The following GTF2A1L variants were observed in gnomAD, a reference collection of about 807,000 sequenced individuals.
The protein encoded by GTF2A1L is general transcription factor IIA subunit 1 like.
A neutral mutation model predicts 49.7 loss-of-function variants in GTF2A1L; 48 were observed. The ratio of observed to expected loss-of-function variants is 0.97; its 90% CI spans 0.77 to 1.23. GTF2A1L has a LOEUF of 1.23. Ranked by LOEUF, GTF2A1L falls within the 50% of genes most tolerant of loss-of-function variation. GTF2A1L has a pLI of 0.00. For synonymous variants in GTF2A1L, 246 were observed against 193.5 expected, an observed-to-expected ratio of 1.27 and a Z score of -2.25; for missense variants, 736 against 564.8, an observed-to-expected ratio of 1.30 and a Z score of -3.07.
intron 3 of GTF2A1L, chr2:48,633,391 T>A (rs1676696853): frequency 6.5e-6 from 1 of 153,264 alleles, no homozygotes; most frequent in Non-Finnish European, 1.5e-5. Flanking sequence ...TGGTGCTGGC[T>A]TAGCAGGATT....
At chr2:48,652,952 G>A (rs1040049306) in intron 6 of GTF2A1L, among the ~76,000 whole-genome samples, 38 of 151,902 alleles carry the variant, frequency 2.5e-4, no homozygotes, top group East Asian at 4.0e-4. Flanking sequence ...AATTTAGGCC[G>A]GGCACGGTGG....
chr2:48,671,751 G>T (rs1396221099), intron 8 of GTF2A1L, 71 bp downstream of exon 8: 75 of 1,381,782 alleles, frequency 5.4e-5, no homozygotes, highest in Non-Finnish European at 7.3e-5. Flanking sequence ...TAAAATGATG[G>T]GAAATAAGAT....
chr2:48,652,059 A>G (rs1446263861), intron 6 of GTF2A1L, among the ~76,000 whole-genome samples: 1 of 152,176 alleles, frequency 6.6e-6, no homozygotes, highest in Non-Finnish European at 1.5e-5. Flanking sequence ...GTGCTTCTGA[A>G]GAAAAAAGTT....
At chr2:48,656,584 C>T (rs1195695596) in intron 6 of GTF2A1L, among the ~76,000 whole-genome samples, 1 of 151,794 alleles carries the variant, frequency 6.6e-6, no homozygotes, top group East Asian at 1.9e-4. Flanking sequence ...CTTTATATAT[C>T]CTGGATATTC....
chr2:48,652,462 A>G (rs1677903020), intron 6 of GTF2A1L, among the ~76,000 whole-genome samples: 1 of 151,672 alleles, frequency 6.6e-6, no homozygotes, highest in Admixed American at 6.6e-5. Context: ...CTAAAAATAC[A>G]AAAATTAGCG....
At chr2:48,651,655 C>T (rs1209731556) in intron 6 of GTF2A1L, among the ~76,000 whole-genome samples, 1 of 152,110 alleles carries the variant, frequency 6.6e-6, no homozygotes, top group Non-Finnish European at 1.5e-5. Flanking sequence ...CATCTGCTGA[C>T]ATAAAACTCA....
At chr2:48,666,230 G>A (rs1403898308) in intron 6 of GTF2A1L, among the ~76,000 whole-genome samples, 1 of 150,170 alleles carries the variant, frequency 6.7e-6, no homozygotes, top group Non-Finnish European at 1.5e-5. Context: ...TTTTGAGATG[G>A]TGTCTCGCTC....
chr2:48,670,195 C>A (rs927354544), intron 7 of GTF2A1L, among the ~76,000 whole-genome samples: 2 of 152,072 alleles, frequency 1.3e-5, no homozygotes, highest in African/African-American at 2.4e-5. Flanking sequence ...GAGTTCGAGG[C>A]CAGCTTGGGC....
At chr2:48,647,621 C>A (rs1435483546) in intron 6 of GTF2A1L, among the ~76,000 whole-genome samples, 1 of 151,598 alleles carries the variant, frequency 6.6e-6, no homozygotes, top group Non-Finnish European at 1.5e-5. Context: ...TTTCTGAATT[C>A]CTATATGGAA....
At chr2:48,678,494 C>T (rs190106840) in intron 8 of GTF2A1L, among the ~76,000 whole-genome samples, 48 of 152,142 alleles carry the variant, frequency 3.2e-4, no homozygotes, top group African/African-American at 1.1e-3. Flanking sequence ...TATTTGTAGT[C>T]AACAACTAGG....
At chr2:48,647,135 G>C in intron 6 of GTF2A1L, 93 bp downstream of exon 6, 4 of 1,119,716 alleles carry the variant, frequency 3.6e-6, no homozygotes, top group Non-Finnish European at 4.8e-6. Context: ...ATGTTAATCA[G>C]AATTATATAT....
At chr2:48,668,314 T>G (rs991358149) in intron 6 of GTF2A1L, among the ~76,000 whole-genome samples, 12 of 152,206 alleles carry the variant, frequency 7.9e-5, no homozygotes, top group African/African-American at 2.9e-4. Context: ...TATGTATGGA[T>G]TTCCAAAACA....
chr2:48,622,743 A>G (rs1676075053), intron 3 of GTF2A1L, among the ~76,000 whole-genome samples: 4 of 151,706 alleles, frequency 2.6e-5, no homozygotes, highest in Admixed American at 1.3e-4. Flanking sequence ...CTGAGGCAGG[A>G]TAATCACTTG....
chr2:48,672,537 G>A (rs1330280051), intron 8 of GTF2A1L, among the ~76,000 whole-genome samples: 4 of 152,158 alleles, frequency 2.6e-5, no homozygotes, highest in African/African-American at 9.7e-5. Flanking sequence ...CCCAGACAGA[G>A]GATGGCAGTG....
chr2:48,654,097 T>A (rs764205132), intron 6 of GTF2A1L, among the ~76,000 whole-genome samples: 1 of 152,174 alleles, frequency 6.6e-6, no homozygotes, highest in Non-Finnish European at 1.5e-5. Context: ...TGGTGGAATT[T>A]TGCATTTCTA....
chr2:48,643,851 A>G (rs1291128795), intron 4 of GTF2A1L, among the ~76,000 whole-genome samples: 1 of 151,836 alleles, frequency 6.6e-6, no homozygotes, highest in East Asian at 1.9e-4. Flanking sequence ...GACGCCCGCC[A>G]CCATGCCCAA....
intron 8 of GTF2A1L, among the ~76,000 whole-genome samples, chr2:48,672,797 A>C (rs1057485033): frequency 2.6e-5 from 4 of 152,250 alleles, no homozygotes; most frequent in African/African-American, 9.6e-5. Flanking sequence ...ATAGTATACA[A>C]TTCGCCTATT....
chr2:48,665,483 G>A (rs779891019), intron 6 of GTF2A1L, among the ~76,000 whole-genome samples: 5 of 151,858 alleles, frequency 3.3e-5, no homozygotes, highest in Non-Finnish European at 7.4e-5. Context: ...TCTAGGCACT[G>A]CTTTGGGTAC....
At chr2:48,660,761 C>T (rs1282151304) in intron 6 of GTF2A1L, among the ~76,000 whole-genome samples, 5 of 152,130 alleles carry the variant, frequency 3.3e-5, no homozygotes, top group East Asian at 1.9e-4. Flanking sequence ...GTGCCTCAGC[C>T]GCCTGAGAAG....
Sources: gnomAD v4.1 joint callset for allele counts (sites outside exome capture counted in the v4.1 genomes callset) on GRCh38, gnomAD v4.1.1 for gene constraint, MANE v1.5 for transcripts, NCBI Gene and HGNC (gene_info 2026-07-23, HGNC 2026-07-21) for gene names.